The following CHM variants were observed in gnomAD, a reference collection of about 807,000 sequenced individuals.
The protein encoded by CHM is rab proteins geranylgeranyltransferase component A 1.
Under a neutral mutation model 49.0 loss-of-function variants are expected in CHM, and 10 were observed. The observed-to-expected ratio is 0.20, with a 90% CI of 0.13 to 0.35. CHM has a LOEUF of 0.35. Ranked by LOEUF, CHM falls within the 10% of genes least tolerant of loss-of-function variation. CHM has a pLI of 1.00. For synonymous variants in CHM, 184 were observed against 167.5 expected (o/e 1.10, Z -0.76); for missense variants, 455 against 478.4 (o/e 0.95, Z 0.46).
At chrX:85,893,565 A>C (rs779130041) in intron 12 of CHM, among the ~76,000 whole-genome samples, 2 of 111,705 alleles carry the variant, frequency 1.8e-5, no homozygotes, top group East Asian at 5.7e-4. Context: ...CCCACAATGC[A>C]AAAGTTATTA....
chrX:86,044,353 T>C (rs995198429), intron 1 of CHM, among the ~76,000 whole-genome samples: 2 of 112,247 alleles, frequency 1.8e-5, no homozygotes, highest in South Asian at 3.7e-4. Context: ...CCACCAAACA[T>C]AGTCTTTGCA....
intron 2 of CHM, among the ~76,000 whole-genome samples, chrX:86,005,331 C>T (rs1009597831): frequency 2.7e-5 from 3 of 111,581 alleles, no homozygotes; most frequent in Non-Finnish European, 5.6e-5. Flanking sequence ...AAAATTGACA[C>T]CCTAACATCA....
chrX:85,901,040 C>A (rs764242323), intron 10 of CHM, 44 bp downstream of exon 10: 12 of 893,628 alleles, frequency 1.3e-5, no homozygotes, highest in Non-Finnish European at 1.3e-5. Flanking sequence ...ACAGGAATGT[C>A]AATAAAATTA....
chrX:85,960,671 C>T (rs141121410), intron 5 of CHM, among the ~76,000 whole-genome samples: 2,092 of 110,877 alleles, frequency 0.019, 27 homozygotes, highest in Non-Finnish European at 0.031. Flanking sequence ...GGTGATCCGC[C>T]CGCTTCAGCC....
chrX:86,021,079 C>A (rs1185084559), intron 2 of CHM, among the ~76,000 whole-genome samples: 1 of 91,597 alleles, frequency 1.1e-5, no homozygotes, highest in Non-Finnish European at 2.1e-5. Flanking sequence ...CATATATATA[C>A]ACACATATAT....
intron 5 of CHM, among the ~76,000 whole-genome samples, chrX:85,963,440 A>G (rs1930400265): frequency 8.9e-6 from 1 of 112,806 alleles, no homozygotes; most frequent in South Asian, 3.6e-4. Context: ...CTCAAGCACA[A>G]AAGTATTCTT....
At chrX:85,950,603 A>C (rs1929692218) in intron 8 of CHM, among the ~76,000 whole-genome samples, 1 of 109,167 alleles carries the variant, frequency 9.2e-6, no homozygotes, top group South Asian at 3.8e-4. Flanking sequence ...TAGGGTTCCA[A>C]AAAGGCGAGA....
At chrX:85,909,101 AT>A (rs892924770) in intron 9 of CHM, among the ~76,000 whole-genome samples, 11 of 111,604 alleles carry the variant, frequency 9.9e-5, no homozygotes, top group African/African-American at 3.3e-4. Context: ...GCCCACTGTC[AT>A]TCATGGCACT....
intron 8 of CHM, among the ~76,000 whole-genome samples, chrX:85,954,480 T>C (rs1052043405): frequency 8.9e-6 from 1 of 111,786 alleles, no homozygotes; most frequent in Non-Finnish European, 1.9e-5. Flanking sequence ...CATACCACAT[T>C]TGTCGCAGCA....
chrX:86,036,150 C>G (rs1934236337), intron 1 of CHM, among the ~76,000 whole-genome samples: 1 of 110,781 alleles, frequency 9.0e-6, no homozygotes, highest in African/African-American at 3.3e-5. Flanking sequence ...GACCACAGCC[C>G]GTGACACAGC....
At chrX:85,930,287 C>T (rs1250002988) in intron 8 of CHM, among the ~76,000 whole-genome samples, 1 of 110,870 alleles carries the variant, frequency 9.0e-6, no homozygotes, top group South Asian at 3.9e-4. Context: ...CCTACTCTCA[C>T]GAGGTCCCTC....
At chrX:85,958,831 C>G (rs867489605) in intron 6 of CHM, 30 bp downstream of exon 6, 1 of 1,206,195 alleles carries the variant, frequency 8.3e-7, no homozygotes, top group Non-Finnish European at 1.1e-6. Flanking sequence ...TAAGCTGATG[C>G]CCAGTTACAA....
intron 4 of CHM, among the ~76,000 whole-genome samples, chrX:85,968,535 T>C (rs1930699246): frequency 8.9e-6 from 1 of 111,965 alleles, no homozygotes; most frequent in Admixed American, 9.5e-5. Flanking sequence ...TTATGATAAT[T>C]TTACCTCCCT....
intron 14 of CHM, among the ~76,000 whole-genome samples, chrX:85,867,582 C>T (rs1193836722): frequency 3.6e-5 from 4 of 112,018 alleles, no homozygotes; most frequent in African/African-American, 1.3e-4. Flanking sequence ...AATTTCCATT[C>T]CCTGGACTTT....
At chrX:86,047,385 C>T (rs1025134060) in intron 1 of CHM, 99 bp downstream of exon 1, 13 of 787,050 alleles carry the variant, frequency 1.7e-5, no homozygotes, top group Non-Finnish European at 2.3e-5. Flanking sequence ...CTCCCACTCT[C>T]GACCCACGAT....
chrX:85,864,575 A>C lies in CHM; in HGVS notation c.*55T>G. ...CTCAAACAGTCCTTCTATCAAGTAG[A>C]CTCTGAGACCAGTCAGAATTTCCAA... On this transcript the variant is annotated 3_prime_UTR_variant, in exon 15 of 15. Coordinates refer to ENST00000357749, the MANE Select transcript of CHM (RefSeq NM_000390.4). 1 of 1,013,183 alleles carries C rather than the reference A, an allele frequency of 9.9e-7. No individual in the cohort carries two copies. The highest frequency in any genetic ancestry group is 1.4e-6 in the Non-Finnish European group (1 of 721,424). The allele number at this position is 1,013,183 out of a possible 1,213,427, so 83.5% of individuals were successfully genotyped here. A position where few individuals can be genotyped will look rare whatever the true frequency, so the allele number is the denominator to read the frequency against.
In CHM at chrX:85,967,663, CAAATT is replaced by C. The variant is rs752760256; in HGVS notation, c.315-3616_315-3612del. The stretch of plus-strand genomic sequence containing the variant: ...ATGTTCACTATCAAAATTGATTTCA[CAAATT>C]AAATTTAGTGTCATTTACATTGCTA... On this transcript the variant is annotated intron_variant, in intron 4 of 14. Coordinates refer to ENST00000357749, the MANE Select transcript of CHM (RefSeq NM_000390.4). Among the ~76,000 whole-genome samples the C allele has an allele frequency of 8.9e-5, 10 of 112,161 alleles. No homozygotes were observed. The East Asian group carries it at 2.5e-3, about 28-fold the overall frequency.
intron 2 of CHM, among the ~76,000 whole-genome samples, chrX:86,007,078 C>A (rs1437808273): frequency 9.0e-6 from 1 of 111,376 alleles, no homozygotes; most frequent in Non-Finnish European, 1.9e-5. Context: ...ACCAATGGAA[C>A]AGAACAGAGC....
chrX:85,904,423 G>C (rs932299679), intron 9 of CHM, among the ~76,000 whole-genome samples: 1 of 110,885 alleles, frequency 9.0e-6, no homozygotes, highest in East Asian at 2.8e-4. Context: ...GCAAAATGAT[G>C]ATGAGGAAGA....
Sources: gnomAD v4.1 joint callset for allele counts (sites outside exome capture counted in the v4.1 genomes callset) on GRCh38, gnomAD v4.1.1 for gene constraint, MANE v1.5 for transcripts, NCBI Gene and HGNC (gene_info 2026-07-23, HGNC 2026-07-21) for gene names.